Variants in ZNF517 observed in about 807,000 individuals in gnomAD.
The protein encoded by ZNF517 is zinc finger protein 517.
In ZNF517, 12 loss-of-function variants were observed where a neutral mutation model predicts 12.1. The ratio of observed to expected loss-of-function variants is 0.99; its 90% CI spans 0.63 to 1.61. The LOEUF (loss-of-function observed/expected upper bound fraction) is 1.61. Ranked by LOEUF, ZNF517 falls within the 40% of genes most tolerant of loss-of-function variation. The pLI, the probability that ZNF517 is intolerant of heterozygous loss-of-function variation, is 0.00. For missense variants in ZNF517, 781 were observed against 693.2 expected (o/e 1.13, Z -1.42); for synonymous variants, 388 against 310.2 (o/e 1.25, Z -2.63).
chr8:144,802,860 G>T lies in ZNF517; in HGVS notation c.-45-10G>T, dbSNP rs893495381. On this transcript the variant is annotated splice_polypyrimidine_tract_variant and intron_variant, in intron 1 of 4. Coordinates refer to ENST00000359971, the MANE Select transcript of ZNF517 (RefSeq NM_213605.3). ...GGGCTCTTTCCACTCATGGCTCTAT[G>T]TTCCCTCAGAATTCACTGTCTGTAG... 6.2e-7 allele frequency: 1 copy of T among 1,613,412 alleles called. No homozygotes were observed. The highest frequency in any genetic ancestry group is 8.5e-7 in the Non-Finnish European group (1 of 1,179,782).
At position 144,809,838 on chromosome 8, in the gene ZNF517, G is replaced by A. The variant is rs1452686839; in HGVS notation, c.*1443G>A. ...AGGCAGAGGTAGGTGGATCACCTGA[G>A]GTCAGGAGTTCAAGACCAGCCTGGC... On this transcript the variant is annotated 3_prime_UTR_variant, in exon 5 of 5. Transcript: ENST00000359971. 5 of 235,398 alleles carry A rather than the reference G, an allele frequency of 2.1e-5. No homozygotes were observed. The highest frequency in any genetic ancestry group is 8.9e-5 in the African/African-American group (4 of 44,794). 14.6% of individuals were successfully genotyped at this position (235,398 alleles called of 1,614,324 possible). A position where few individuals can be genotyped will look rare whatever the true frequency, so the allele number is the denominator to read the frequency against.
chr8:144,807,286 T>A lies in ZNF517; in HGVS notation c.370T>A (p.Trp124Arg). ...LPGTVWGCLP[W>R]GHPVGGHPAP... ...GGGCACCGTGTGGGGGTGCCTCCCC[T>A]GGGGGCACCCTGTGGGGGGGCACCC... Residue 124 changes from tryptophan to arginine, a missense_variant, in exon 5 of 5, where the codon TGG becomes AGG. Physicochemically the swap from Trp to Arg is moderately radical, Grantham distance 101. Coordinates refer to ENST00000359971, the MANE Select transcript of ZNF517 (RefSeq NM_213605.3). 6.4e-7 allele frequency: 1 copy of A among 1,555,618 alleles called. No homozygotes were observed. Among genetic ancestry groups the A allele is most frequent in the Non-Finnish European group, 8.7e-7 (1 of 1,151,632 alleles).
At position 144,808,722 on chromosome 8, in the gene ZNF517, A is replaced by G; in HGVS notation, c.*327A>G. 4.2e-6 allele frequency: 1 copy of G among 239,306 alleles called. No homozygotes were observed. The highest frequency in any genetic ancestry group is 8.0e-6 in the Non-Finnish European group (1 of 125,538). 14.8% of individuals were successfully genotyped at this position (239,306 alleles called of 1,614,324 possible). ...AGGGCACAGGGGGCGCCACAGACGCATATGCAGCTGAGCTCCCCACAGGCC... is the reference window on the plus strand; with the variant it reads ...AGGGCACAGGGGGCGCCACAGACGCGTATGCAGCTGAGCTCCCCACAGGCC... On this transcript the variant is annotated 3_prime_UTR_variant, in exon 5 of 5. Transcript: ENST00000359971.
downstream of ZNF517, among the ~76,000 whole-genome samples, chr8:144,813,196 G>A (rs1002461870): frequency 5.6e-4 from 85 of 151,756 alleles, 1 homozygote; most frequent in Admixed American, 2.6e-3. Context: ...CACACCTGCA[G>A]TTCCAGCTAC....
At chr8:144,811,868 G>A (rs1172243626), downstream of ZNF517, among the ~76,000 whole-genome samples, 1 of 124,144 alleles carries the variant, frequency 8.1e-6, no homozygotes, top group African/African-American at 3.4e-5. Context: ...GCTGAGACAG[G>A]GTGGGAGAGA....
chr8:144,802,548 T>C (rs1046135491), intron 1 of ZNF517, among the ~76,000 whole-genome samples: 6 of 152,176 alleles, frequency 3.9e-5, no homozygotes, highest in African/African-American at 1.4e-4. Flanking sequence ...ACTTGTCTTA[T>C]GTCAGATGGC....
chr8:144,800,191 T>G (rs1345141093), intron 1 of ZNF517, among the ~76,000 whole-genome samples: 2 of 151,986 alleles, frequency 1.3e-5, no homozygotes, highest in African/African-American at 4.8e-5. Context: ...TTCTTGGTGG[T>G]CCTTCATCTA....
At position 144,807,454 on chromosome 8, in the gene ZNF517, T is replaced by G; in HGVS notation, c.538T>G (p.Cys180Gly). Residue 180 changes from cysteine (C) to glycine (G), a missense_variant, in exon 5 of 5, where the codon TGC becomes GGC. Transcript: ENST00000359971. The part of the protein sequence containing the change: ...PVGSSAPRYR[C>G]VCGKAFRYNS... Reference sequence around the variant, plus strand: ...GGGGAGCTCAGCCCCCCGCTACAGGTGCGTGTGCGGCAAGGCGTTCAGATA... The same window carrying G: ...GGGGAGCTCAGCCCCCCGCTACAGGGGCGTGTGCGGCAAGGCGTTCAGATA... 6.3e-7 allele frequency: 1 copy of G among 1,576,826 alleles called. No homozygotes were observed. Among genetic ancestry groups the G allele is most frequent in the Non-Finnish European group, 8.6e-7 (1 of 1,161,922 alleles).
In ZNF517 at chr8:144,807,204, G is replaced by A. The variant is rs78195432; in HGVS notation, c.288G>A (p.Glu96=). Residue 96 remains glutamate, a synonymous_variant, in exon 5 of 5, where the codon GAG becomes GAA. Transcript: ENST00000359971. ...KASLCTDSRM[E]AGIMESPLQR... is the part of the protein sequence containing the mutation. Reference sequence around the variant, plus strand: ...TCCTTCTCTCAGATTCCAGGATGGAGGCTGGGATCATGGAGTCTCCTCTGC... The same window carrying A: ...TCCTTCTCTCAGATTCCAGGATGGAAGCTGGGATCATGGAGTCTCCTCTGC... 4.1e-3 allele frequency: 6,203 copies of A among 1,528,186 alleles called. 237 individuals carry two copies. In the African/African-American group the frequency reaches 0.077, roughly 19 times the overall value. 94.7% of individuals were successfully genotyped at this position (1,528,186 alleles called of 1,614,324 possible). A position where few individuals can be genotyped will look rare whatever the true frequency, so the allele number is the denominator to read the frequency against.
In ZNF517 at chr8:144,808,338, CG is replaced by C. The variant is rs766678651; in HGVS notation, c.1424del (p.Gly475AlafsTer39). The C allele has an allele frequency of 1.3e-6, 2 of 1,485,148 alleles. No homozygotes were observed. Among genetic ancestry groups the C allele is most frequent in the Non-Finnish European group, 9.0e-7 (1 of 1,114,776 alleles). The allele number at this position is 1,485,148 out of a possible 1,614,324, so 92.0% of individuals were successfully genotyped here. ...STLIQHQKVH[G>X]REPGEDTEGR... ...CCCTCATCCAGCACCAGAAGGTGCA[CG>C]GCCGCGAGCCCGGGGAGGACACAGA... On this transcript the variant is annotated frameshift_variant, in exon 5 of 5. Transcript: ENST00000359971. LOFTEE classifies it low-confidence loss of function (END_TRUNC).
At chr8:144,803,405 TG>T in intron 2 of ZNF517, 1 of 549,140 alleles carries the variant, frequency 1.8e-6, no homozygotes, top group Non-Finnish European at 3.2e-6. Flanking sequence ...ACCCCCTTCC[TG>T]GTAAATCTCT....
Position 144,809,916 on chromosome 8 carries a change from G to C in ZNF517, c.*1521G>C, listed in dbSNP as rs1169490015. The C allele has an allele frequency of 2.6e-6, 1 of 390,786 alleles. No individual in the cohort carries two copies. Among genetic ancestry groups the C allele is most frequent in the African/African-American group, 2.0e-5 (1 of 49,224 alleles). 24.2% of individuals were successfully genotyped at this position (390,786 alleles called of 1,614,324 possible). A position where few individuals can be genotyped will look rare whatever the true frequency, so the allele number is the denominator to read the frequency against. ...AAAAGTACAAAAAGTAGCTGGGTGTGGTGCTGGGTGCCTGTAATCCCAGCT... is the reference window on the plus strand; with the variant it reads ...AAAAGTACAAAAAGTAGCTGGGTGTCGTGCTGGGTGCCTGTAATCCCAGCT... On this transcript the variant is annotated 3_prime_UTR_variant, in exon 5 of 5. Transcript: ENST00000359971.
chr8:144,810,538 A>G (rs940658458), downstream of ZNF517: 3 of 307,616 alleles, frequency 9.8e-6, no homozygotes, highest in East Asian at 5.2e-5. Flanking sequence ...AGCATCCCCA[A>G]CATGGAGCTC....
Position 144,808,226 on chromosome 8 carries a change from A to C in ZNF517, c.1310A>C (p.Tyr437Ser). 1 of 1,604,666 alleles carries C rather than the reference A, an allele frequency of 6.2e-7. No individual in the cohort carries two copies. The change falls in exon 5 of 5, where the codon TAC becomes TCC. Residue 437 changes from tyrosine (Y) to serine (S), a missense_variant. Transcript: ENST00000359971. ...TGCGGCAAGGCGTTCCGCAGGAGCT[A>C]CACGCTGAACGAGCACTACCGGCTC... ...TECGKAFRRS[Y>S]TLNEHYRLHS...
In ZNF517 at chr8:144,807,364, C is replaced by A; in HGVS notation, c.448C>A (p.His150Asn). 1 of 1,554,508 alleles carries A rather than the reference C, an allele frequency of 6.4e-7. No homozygotes were observed. Among genetic ancestry groups the A allele is most frequent in the Non-Finnish European group, 8.7e-7 (1 of 1,148,764 alleles). The change falls in exon 5 of 5, where the codon CAC becomes AAC. Residue 150 changes from histidine to asparagine, a missense_variant. Physicochemically the swap from His to Asn is moderately conservative, Grantham distance 68. Coordinates refer to ENST00000359971, the MANE Select transcript of ZNF517 (RefSeq NM_213605.3). The stretch of plus-strand genomic sequence containing the variant: ...TGAGGACGGGTCAGATAAACCCACC[C>A]ACCCCCGGGCTCGGGAGCACAGCGC... ...GPEDGSDKPT[H>N]PRAREHSASP...
Position 144,807,966 on chromosome 8 carries a change from G to C in ZNF517, c.1050G>C (p.Gly350=), listed in dbSNP as rs760321441. The C allele has an allele frequency of 6.6e-6, 10 of 1,507,952 alleles. No individual in the cohort carries two copies. The East Asian group carries it at 2.1e-4, about 32-fold the overall frequency. 93.4% of individuals were successfully genotyped at this position (1,507,952 alleles called of 1,614,324 possible). The change falls in exon 5 of 5, where the codon GGG becomes GGC. Residue 350 remains glycine (G), a synonymous_variant. Transcript: ENST00000359971. ...AGGGTGCCCAGGACGGCGGCGTGGG[G>C]CAGGGCGCCCTGCTCGGAGCTGCGC... is the stretch of plus-strand genomic sequence containing the variant. ...AQEGAQDGGV[G]QGALLGAAQR...
chr8:144,802,200 T>G (rs1826999575), intron 1 of ZNF517, among the ~76,000 whole-genome samples: 1 of 152,208 alleles, frequency 6.6e-6, no homozygotes, highest in Non-Finnish European at 1.5e-5. Context: ...ATGGTTTTAT[T>G]GGTTGCAGAG....
chr8:144,808,669 G>A lies in ZNF517; in HGVS notation c.*274G>A, dbSNP rs540827153. 2 of 367,568 alleles carry A rather than the reference G, an allele frequency of 5.4e-6. No homozygotes were observed. Among genetic ancestry groups the A allele is most frequent in the South Asian group, 1.7e-4 (2 of 11,456 alleles). The allele number at this position is 367,568 out of a possible 1,614,324, so 22.8% of individuals were successfully genotyped here. A position where few individuals can be genotyped will look rare whatever the true frequency, so the allele number is the denominator to read the frequency against. ...GAGCGGGCAGAAGGGAGAGAGGGAG[G>A]GGCAGCTATGCTCAGTCCCCAAAGA... On this transcript the variant is annotated 3_prime_UTR_variant, in exon 5 of 5. Coordinates refer to ENST00000359971, the MANE Select transcript of ZNF517 (RefSeq NM_213605.3).
chr8:144,811,640 G>A (rs1827559347), downstream of ZNF517, among the ~76,000 whole-genome samples: 2 of 134,136 alleles, frequency 1.5e-5, no homozygotes, highest in South Asian at 2.7e-4. Context: ...CTGCAGAATG[G>A]AAGCAAAGGC....
Sources: gnomAD v4.1 joint callset for allele counts (sites outside exome capture counted in the v4.1 genomes callset) on GRCh38, gnomAD v4.1.1 for gene constraint, MANE v1.5 for transcripts, NCBI Gene and HGNC (gene_info 2026-07-23, HGNC 2026-07-21) for gene names.